Variants in TLCD4 observed in about 807,000 individuals in gnomAD.
The protein encoded by TLCD4 is TLC domain-containing protein 4.
Under a neutral mutation model 24.2 loss-of-function variants are expected in TLCD4, and 7 were observed. The observed-to-expected ratio is 0.29, with a 90% confidence interval of 0.16 to 0.54. The LOEUF (loss-of-function observed/expected upper bound fraction) is 0.54, where lower values mean the gene tolerates loss of function less well. Ranked by LOEUF, TLCD4 falls within the 20% of genes least tolerant of loss-of-function variation. TLCD4 has a pLI of 0.95. For missense variants in TLCD4, 259 were observed against 313.9 expected, an observed-to-expected ratio of 0.82 and a Z score of 1.32; for synonymous variants, 103 against 106.4, an observed-to-expected ratio of 0.97 and a Z score of 0.20.
intron 2 of TLCD4, 42 bp from the exon 3 acceptor site, chr1:95,148,660 C>A: frequency 1.9e-6 from 3 of 1,608,708 alleles, no homozygotes; most frequent in Non-Finnish European, 2.5e-6. Context: ...AATTTTATTG[C>A]AAAGAATCTA....
intron 6 of TLCD4, among the ~76,000 whole-genome samples, chr1:95,179,442 A>G (rs1185255089): frequency 1.3e-5 from 2 of 152,184 alleles, no homozygotes; most frequent in African/African-American, 2.4e-5. Context: ...CTTTAACTCT[A>G]CCATGGCAGA....
intron 2 of TLCD4, among the ~76,000 whole-genome samples, chr1:95,145,176 T>C (rs949794503): frequency 3.9e-5 from 6 of 152,170 alleles, no homozygotes; most frequent in Admixed American, 3.9e-4. Context: ...TTTTTGTTGT[T>C]GCTATTTAGT....
intron 5 of TLCD4, among the ~76,000 whole-genome samples, chr1:95,168,900 G>A (rs1405938083): frequency 6.6e-6 from 1 of 152,220 alleles, no homozygotes; most frequent in Non-Finnish European, 1.5e-5. Flanking sequence ...TCACAGATAA[G>A]CAGAGAGATC....
chr1:95,123,908 A>T (rs1193406164), intron 1 of TLCD4, among the ~76,000 whole-genome samples: 3 of 152,208 alleles, frequency 2.0e-5, no homozygotes, highest in Admixed American at 2.0e-4. Context: ...ATTCATTGGC[A>T]TACTGCTTAT....
At chr1:95,106,553 C>A in the TLCD4 span, among the ~76,000 whole-genome samples, 1 of 151,878 alleles carries the variant, frequency 6.6e-6, no homozygotes, top group Admixed American at 6.6e-5. Context: ...ATTGGCTGGG[C>A]GTAGTAGTGC....
chr1:95,113,989 A>C (rs1676386197), upstream of TLCD4, among the ~76,000 whole-genome samples: 1 of 152,150 alleles, frequency 6.6e-6, no homozygotes, highest in Non-Finnish European at 1.5e-5. Context: ...CCCAGAAATA[A>C]CCACTGGTAA....
upstream of TLCD4, among the ~76,000 whole-genome samples, chr1:95,115,254 G>C (rs1323752669): frequency 2.0e-5 from 3 of 151,858 alleles, no homozygotes; most frequent in African/African-American, 4.8e-5. Flanking sequence ...TTATAGGCAA[G>C]CACCACCATG....
the TLCD4 span, among the ~76,000 whole-genome samples, chr1:95,099,187 G>A: frequency 6.6e-6 from 1 of 152,038 alleles, no homozygotes; most frequent in African/African-American, 2.4e-5. Flanking sequence ...CAGCACTTTG[G>A]GAGGGTGAGG....
chr1:95,182,284 A>C (rs1008160644), intron 6 of TLCD4, among the ~76,000 whole-genome samples: 1 of 151,654 alleles, frequency 6.6e-6, no homozygotes, highest in Non-Finnish European at 1.5e-5. Flanking sequence ...TTTTTTTTCA[A>C]GTAAAAATGG....
chr1:95,146,269 G>A (rs1404624615), intron 2 of TLCD4, among the ~76,000 whole-genome samples: 6 of 152,050 alleles, frequency 3.9e-5, no homozygotes, highest in East Asian at 3.9e-4. Flanking sequence ...TTCTGAAAAC[G>A]TGTATACTTA....
chr1:95,100,011 C>T, the TLCD4 span, among the ~76,000 whole-genome samples: 1 of 151,778 alleles, frequency 6.6e-6, no homozygotes, highest in Non-Finnish European at 1.5e-5. Flanking sequence ...CATGGTGGCT[C>T]AGGCCATGGT....
chr1:95,154,919 C>G (rs540753419), intron 5 of TLCD4, among the ~76,000 whole-genome samples: 2 of 150,244 alleles, frequency 1.3e-5, no homozygotes, highest in African/African-American at 2.4e-5. Context: ...AATGCCCCAT[C>G]ATTGCCACTA....
At chr1:95,097,901 C>A in the TLCD4 span, among the ~76,000 whole-genome samples, 1 of 152,182 alleles carries the variant, frequency 6.6e-6, no homozygotes, top group Non-Finnish European at 1.5e-5. Flanking sequence ...CTGAACAAAT[C>A]AAGCAGCATT....
chr1:95,143,322 A>G (rs1482331905), intron 1 of TLCD4, among the ~76,000 whole-genome samples: 1 of 152,156 alleles, frequency 6.6e-6, no homozygotes, highest in Non-Finnish European at 1.5e-5. Flanking sequence ...CAACAGTGCA[A>G]TGGCTCTTTG....
intron 6 of TLCD4, among the ~76,000 whole-genome samples, chr1:95,182,114 A>G (rs765859224): frequency 2.9e-4 from 44 of 152,044 alleles, no homozygotes; most frequent in Non-Finnish European, 4.9e-4. Flanking sequence ...CAGATAACAA[A>G]TTTTCCAATA....
At chr1:95,188,394 A>C (rs1678907184) in intron 6 of TLCD4, among the ~76,000 whole-genome samples, 1 of 151,370 alleles carries the variant, frequency 6.6e-6, no homozygotes, top group Admixed American at 6.6e-5. Flanking sequence ...TCTCAGAAAA[A>C]AAAAAAAAAA....
intron 6 of TLCD4, among the ~76,000 whole-genome samples, chr1:95,181,550 T>C (rs1678640627): frequency 2.6e-5 from 4 of 151,804 alleles, no homozygotes; most frequent in Admixed American, 2.6e-4. Context: ...TTGGCCTTTC[T>C]TGGGCTTTAA....
At chr1:95,182,930 A>G (rs1353551538) in intron 6 of TLCD4, among the ~76,000 whole-genome samples, 3 of 152,220 alleles carry the variant, frequency 2.0e-5, no homozygotes, top group Non-Finnish European at 4.4e-5. Context: ...GCTATGGGAA[A>G]GAGAAAGTAT....
intron 1 of TLCD4, among the ~76,000 whole-genome samples, chr1:95,140,976 T>C (rs1482578040): frequency 1.3e-5 from 2 of 152,244 alleles, no homozygotes; most frequent in African/African-American, 4.8e-5. Flanking sequence ...TGATTTGGCA[T>C]GACTGATTAA....
Sources: allele counts gnomAD v4.1 joint callset (sites outside exome capture counted in the v4.1 genomes callset), GRCh38; gene constraint gnomAD v4.1.1; transcripts MANE v1.5; gene names NCBI Gene and HGNC (gene_info 2026-07-23, HGNC 2026-07-21).